Variants in TCF4 observed in about 807,000 individuals in gnomAD.
TCF4 encodes SL3-3 enhancer factor 2.
TCF4 carries 3 observed loss-of-function variants against 82.1 expected under a neutral mutation model. The observed-to-expected ratio is 0.04, with a 90% CI of 0.02 to 0.09. The LOEUF is 0.09. TCF4 is among the 10% of genes least tolerant of loss of function. The probability of loss-of-function intolerance (pLI) is 1.00; values close to 1 mark genes in which losing one functional copy is unlikely to be tolerated. For missense variants in TCF4, 518 were observed against 852.7 expected (o/e 0.61, Z 4.89); for synonymous variants, 276 against 309.6 (o/e 0.89, Z 1.14).
chr18:55,327,274 C>T (rs1602796190), intron 8 of TCF4, among the ~76,000 whole-genome samples: 1 of 145,076 alleles, frequency 6.9e-6, no homozygotes, highest in South Asian at 2.1e-4. Flanking sequence ...AGAAAATATA[C>T]TTATCTGAAG....
At chr18:55,311,598 A>G (rs2072475999) in intron 8 of TCF4, among the ~76,000 whole-genome samples, 1 of 152,212 alleles carries the variant, frequency 6.6e-6, no homozygotes, top group Admixed American at 6.6e-5. Flanking sequence ...TCTTTCAACT[A>G]AACAAGGAAA....
intron 3 of TCF4, among the ~76,000 whole-genome samples, chr18:55,527,422 A>G (rs909437977): frequency 1.1e-4 from 16 of 152,186 alleles, no homozygotes; most frequent in African/African-American, 3.6e-4. Context: ...ATATGCATAC[A>G]AGCACGTTTC....
chr18:55,457,572 GC>G (rs2095789601), intron 5 of TCF4, among the ~76,000 whole-genome samples: 1 of 152,046 alleles, frequency 6.6e-6, no homozygotes, highest in Non-Finnish European at 1.5e-5. Context: ...TGCAACCTCC[GC>G]CCCCTGAGCT....
Position 55,227,385 on chromosome 18 carries a change from T to C in TCF4, c.*650A>G, listed in dbSNP as rs1164384544. On this transcript the variant is annotated 3_prime_UTR_variant, in exon 20 of 20. Coordinates refer to ENST00000354452, the MANE Select transcript of TCF4 (RefSeq NM_001083962.2). The stretch of plus-strand genomic sequence containing the variant: ...AGTCACTAAATTTTTAATATATATT[T>C]ATATATATATTTATATATATATTTG... 1 of 148,628 alleles carries C rather than the reference T, an allele frequency of 6.7e-6. No individual in the cohort carries two copies. The highest frequency in any genetic ancestry group is 1.5e-5 in the Non-Finnish European group (1 of 67,264). 9.2% of individuals were successfully genotyped at this position (148,628 alleles called of 1,614,324 possible).
At chr18:55,321,580 A>T in intron 8 of TCF4, 1 of 1,528,402 alleles carries the variant, frequency 6.5e-7, no homozygotes, top group Non-Finnish European at 8.8e-7. Flanking sequence ...GTCCTGCACA[A>T]CTTTGCAAAC....
At position 55,439,197 on chromosome 18, in the gene TCF4, C is replaced by T. The variant is rs557993760; in HGVS notation, c.304+21822G>A. ...AGGTTGAGGGGTTTGCAAATTCCTT[C>T]GTGGCCACTGGTGGGGAGCAACAAA... On this transcript the variant is annotated intron_variant, in intron 5 of 19. Coordinates refer to ENST00000354452, the MANE Select transcript of TCF4 (RefSeq NM_001083962.2). Among the ~76,000 whole-genome samples, 63 of 152,284 alleles carry T rather than the reference C, an allele frequency of 4.1e-4. 1 individual carries two copies. Among genetic ancestry groups the T allele is most frequent in the Non-Finnish European group, 7.1e-4 (48 of 68,024 alleles).
intron 5 of TCF4, among the ~76,000 whole-genome samples, chr18:55,441,721 G>A (rs186923464): frequency 7.9e-5 from 12 of 152,174 alleles, no homozygotes; most frequent in East Asian, 3.9e-4. Context: ...TTACATAATC[G>A]TATAATAAGT....
At chr18:55,378,359 CATTAA>C (rs1569268299) in intron 6 of TCF4, among the ~76,000 whole-genome samples, 1 of 152,216 alleles carries the variant, frequency 6.6e-6, no homozygotes, top group Non-Finnish European at 1.5e-5. Context: ...GTCTTACATA[CATTAA>C]ATTATTTAAT....
At chr18:55,465,765 T>C (rs906799963) in intron 3 of TCF4, among the ~76,000 whole-genome samples, 1 of 152,114 alleles carries the variant, frequency 6.6e-6, no homozygotes, top group Non-Finnish European at 1.5e-5. Flanking sequence ...TCAGCCAAAA[T>C]AAAAAGTGTA....
chr18:55,505,808 A>G (rs2096752577), intron 3 of TCF4, among the ~76,000 whole-genome samples: 1 of 150,092 alleles, frequency 6.7e-6, no homozygotes, highest in Admixed American at 6.6e-5. Context: ...CGTCTCAAAA[A>G]AAAAAAAAAA....
At chr18:55,419,224 C>T (rs1440477) in intron 5 of TCF4, among the ~76,000 whole-genome samples, 38,476 of 151,974 alleles carry the variant, frequency 0.25, 5,141 homozygotes, top group East Asian at 0.48. Context: ...ACAGAAAATG[C>T]CTACATTAAA....
intron 6 of TCF4, among the ~76,000 whole-genome samples, chr18:55,355,187 C>T (rs80154758): frequency 6.6e-6 from 1 of 152,012 alleles, no homozygotes; most frequent in South Asian, 2.1e-4. Flanking sequence ...AAATTCTGAA[C>T]CACTATAAAA....
intron 9 of TCF4, among the ~76,000 whole-genome samples, chr18:55,279,247 G>A (rs1568649429): frequency 6.6e-6 from 1 of 152,154 alleles, no homozygotes; most frequent in African/African-American, 2.4e-5. Context: ...CATCGTCTTG[G>A]GGATGGTGAA....
chr18:55,321,754 T>C (rs2075546912), intron 8 of TCF4: 2 of 1,535,868 alleles, frequency 1.3e-6, no homozygotes, highest in South Asian at 1.2e-5. Flanking sequence ...CGGATTCTTT[T>C]TTCTCCTCAG....
chr18:55,288,861 G>C (rs371409794), intron 8 of TCF4, among the ~76,000 whole-genome samples: 1 of 152,178 alleles, frequency 6.6e-6, no homozygotes, highest in Non-Finnish European at 1.5e-5. Flanking sequence ...CCAGACCCAC[G>C]ACTAAATATC....
chr18:55,498,672 C>T (rs1186038858), intron 3 of TCF4, among the ~76,000 whole-genome samples: 1 of 152,136 alleles, frequency 6.6e-6, no homozygotes, highest in East Asian at 1.9e-4. Context: ...ATCAGAGATA[C>T]AAGGACCTGG....
chr18:55,615,164 A>G (rs1211848515), intron 2 of TCF4, among the ~76,000 whole-genome samples: 2 of 152,196 alleles, frequency 1.3e-5, no homozygotes, highest in East Asian at 3.9e-4. Flanking sequence ...TCTATAGATT[A>G]ATTTGGGGAG....
chr18:55,254,748 G>C (rs1194418959), intron 14 of TCF4, 48 bp from the exon 15 acceptor site: 2 of 1,539,534 alleles, frequency 1.3e-6, no homozygotes, highest in East Asian at 4.8e-5. Context: ...CAAAAGGGGT[G>C]CCTAAATTAT....
intron 3 of TCF4, among the ~76,000 whole-genome samples, chr18:55,547,164 A>C (rs2097214359): frequency 6.6e-6 from 1 of 152,244 alleles, no homozygotes; most frequent in East Asian, 1.9e-4. Context: ...TGCTGAAGCA[A>C]GGAAGACTTC....
Sources: allele counts gnomAD v4.1 joint callset (sites outside exome capture counted in the v4.1 genomes callset), GRCh38; gene constraint gnomAD v4.1.1; transcripts MANE v1.5; gene names NCBI Gene and HGNC (gene_info 2026-07-23, HGNC 2026-07-21).